The following ADAM12 variants were observed in gnomAD, a reference collection of about 807,000 sequenced individuals.
ADAM12 encodes disintegrin and metalloproteinase domain-containing protein 12.
Under a neutral mutation model 106.4 loss-of-function variants are expected in ADAM12, and 70 were observed. That is an observed-to-expected ratio of 0.66 (90% confidence interval 0.54 to 0.80). ADAM12 has a LOEUF of 0.80. Ranked by LOEUF, ADAM12 falls within the 30% of genes least tolerant of loss-of-function variation. ADAM12 has a pLI of 0.00. For missense variants in ADAM12, 1,010 were observed against 1,171.9 expected (o/e 0.86, Z 2.02); for synonymous variants, 420 against 433.5 (o/e 0.97, Z 0.39).
chr10:126,029,892 G>C (rs933228332), intron 21 of ADAM12, among the ~76,000 whole-genome samples: 8 of 152,188 alleles, frequency 5.3e-5, no homozygotes, highest in African/African-American at 1.9e-4. Context: ...TGAGGAGCTG[G>C]ATAATAGAAT....
At chr10:126,022,997 G>T (rs1953797839) in intron 21 of ADAM12, among the ~76,000 whole-genome samples, 1 of 152,178 alleles carries the variant, frequency 6.6e-6, no homozygotes, top group South Asian at 2.1e-4. Context: ...CCAGCATCAT[G>T]AAGTCTCAGC....
chr10:126,358,055 G>A (rs1241911718), intron 1 of ADAM12, among the ~76,000 whole-genome samples: 1 of 152,008 alleles, frequency 6.6e-6, no homozygotes, highest in Non-Finnish European at 1.5e-5. Context: ...GCGGGTGCCT[G>A]TAGTCCCAGC....
At chr10:126,208,993 A>G (rs1211394609) in intron 3 of ADAM12, among the ~76,000 whole-genome samples, 2 of 152,168 alleles carry the variant, frequency 1.3e-5, no homozygotes, top group Non-Finnish European at 2.9e-5. Context: ...ATGACAAGAC[A>G]TCTCTTTTCA....
At chr10:126,191,025 A>C (rs1432492231) in intron 3 of ADAM12, among the ~76,000 whole-genome samples, 2 of 119,466 alleles carry the variant, frequency 1.7e-5, no homozygotes, top group Non-Finnish European at 3.3e-5. Flanking sequence ...TTTTTCAGAC[A>C]GAGTCTTGCT....
chr10:126,266,082 C>G (rs1415305995), intron 3 of ADAM12, among the ~76,000 whole-genome samples: 1 of 152,138 alleles, frequency 6.6e-6, no homozygotes, highest in Non-Finnish European at 1.5e-5. Flanking sequence ...TTGTTGCACA[C>G]AGGCGATGGG....
chr10:126,199,709 G>A (rs1903856), intron 3 of ADAM12, among the ~76,000 whole-genome samples: 63,612 of 151,982 alleles, frequency 0.42, 18,447 homozygotes, highest in African/African-American at 0.8. Context: ...ATTACAAATG[G>A]AATACATATA....
intron 3 of ADAM12, among the ~76,000 whole-genome samples, chr10:126,164,993 T>A (rs983947189): frequency 6.6e-6 from 1 of 152,192 alleles, no homozygotes; most frequent in African/African-American, 2.4e-5. Flanking sequence ...TATTTATGCT[T>A]CTTTTTTATG....
chr10:126,150,278 G>A (rs1441324192), intron 4 of ADAM12, among the ~76,000 whole-genome samples: 1 of 152,122 alleles, frequency 6.6e-6, no homozygotes, highest in African/African-American at 2.4e-5. Flanking sequence ...GGTAAAAGAG[G>A]ACATAAACGT....
chr10:126,161,537 G>T (rs1956934612), intron 3 of ADAM12, among the ~76,000 whole-genome samples: 1 of 152,222 alleles, frequency 6.6e-6, no homozygotes. Context: ...TTGAGCAGAT[G>T]AATACGTGAA....
intron 2 of ADAM12, among the ~76,000 whole-genome samples, chr10:126,285,813 G>A (rs536213384): frequency 3.9e-5 from 6 of 152,236 alleles, no homozygotes; most frequent in African/African-American, 7.2e-5. Flanking sequence ...AAAGACGGGT[G>A]CGGCCAGGAC....
At chr10:126,225,927 C>G (rs1331848596) in intron 3 of ADAM12, among the ~76,000 whole-genome samples, 1 of 152,116 alleles carries the variant, frequency 6.6e-6, no homozygotes, top group Non-Finnish European at 1.5e-5. Context: ...AAAGTCGAAG[C>G]CTTTCGCAGC....
intron 10 of ADAM12, among the ~76,000 whole-genome samples, chr10:126,096,307 T>A (rs985549377): frequency 2.6e-5 from 4 of 152,254 alleles, no homozygotes; most frequent in African/African-American, 4.8e-5. Context: ...TTGTTTTACA[T>A]TCTTTCATGC....
chr10:126,223,121 C>G (rs189120914), intron 3 of ADAM12, among the ~76,000 whole-genome samples: 1 of 152,154 alleles, frequency 6.6e-6, no homozygotes, highest in South Asian at 2.1e-4. Flanking sequence ...CAATTTATAG[C>G]CTGTAAGTTT....
chr10:126,187,240 T>C (rs1384818839), intron 3 of ADAM12, among the ~76,000 whole-genome samples: 1 of 152,136 alleles, frequency 6.6e-6, no homozygotes, highest in Non-Finnish European at 1.5e-5. Context: ...TCTGAGGACT[T>C]GTCCACTCTG....
At chr10:126,113,724 AT>A (rs1565067833) in intron 6 of ADAM12, among the ~76,000 whole-genome samples, 506 of 40,738 alleles carry the variant, frequency 0.012, 31 homozygotes, top group African/African-American at 0.022. Context: ...ATATATATAT[AT>A]ATATATAATA....
At chr10:126,349,766 A>C (rs1855283022) in intron 1 of ADAM12, among the ~76,000 whole-genome samples, 1 of 152,192 alleles carries the variant, frequency 6.6e-6, no homozygotes, top group East Asian at 1.9e-4. Flanking sequence ...CATCTAGGCA[A>C]ACTGTTTCGA....
chr10:126,217,711 G>A (rs1266481131), intron 3 of ADAM12, among the ~76,000 whole-genome samples: 3 of 133,690 alleles, frequency 2.2e-5, no homozygotes, highest in East Asian at 5.3e-4. Context: ...GGTGGCTCAC[G>A]CCTGTAATCC....
At chr10:126,320,290 A>C (rs1318782411) in intron 2 of ADAM12, among the ~76,000 whole-genome samples, 1 of 152,220 alleles carries the variant, frequency 6.6e-6, no homozygotes, top group East Asian at 1.9e-4. Flanking sequence ...GAGCATGAGG[A>C]GTGTCTTAAA....
At position 126,101,096 on chromosome 10, in the gene ADAM12, G is replaced by A. The variant is rs1955656980; in HGVS notation, c.887C>T (p.Ser296Phe). ...WRKMKLLPRK[S>F]HDNAQLVSGV... The stretch of plus-strand genomic sequence containing the variant: ...CCTGACAAGCTGCGCATTGTCATGG[G>A]ATTTGCGAGGTAGAAGCTTCATCTT... The change falls in exon 9 of 23, where the codon TCC becomes TTC. Residue 296 changes from serine to phenylalanine, a missense_variant. Transcript: ENST00000448723. 1 of 1,613,912 alleles carries A rather than the reference G, an allele frequency of 6.2e-7. No individual in the cohort carries two copies. Among genetic ancestry groups the A allele is most frequent in the Non-Finnish European group, 8.5e-7 (1 of 1,179,900 alleles).
Sources: allele counts gnomAD v4.1 joint callset (sites outside exome capture counted in the v4.1 genomes callset), GRCh38; gene constraint gnomAD v4.1.1; transcripts MANE v1.5; gene names NCBI Gene and HGNC (gene_info 2026-07-23, HGNC 2026-07-21).